The following PIP5K1A variants were observed in gnomAD, a reference collection of about 807,000 sequenced individuals.
PIP5K1A encodes phosphatidylinositol 4-phosphate 5-kinase type-1 alpha.
In PIP5K1A, 46 loss-of-function variants were observed where a neutral mutation model predicts 72.9. The ratio of observed to expected loss-of-function variants is 0.63; its 90% CI spans 0.50 to 0.81. The LOEUF is 0.81. Among genes scored for constraint, PIP5K1A ranks in the 30% least tolerant of loss-of-function variants. The pLI is 0.00. For synonymous variants in PIP5K1A, 228 were observed against 255.1 expected (o/e 0.89, Z 1.01); for missense variants, 458 against 706.1 (o/e 0.65, Z 3.98).
At chr1:151,223,984 T>G in intron 1 of PIP5K1A, 1 of 542,172 alleles carries the variant, frequency 1.8e-6, no homozygotes, top group Non-Finnish European at 3.2e-6. Context: ...AAAGAAAAAG[T>G]TATATTTCCC....
rs1457804507 is a variant in PIP5K1A at position 151,248,662 on chromosome 1, A to G, written c.*797A>G. The G allele has an allele frequency of 2.6e-5, 4 of 152,684 alleles. No homozygotes were observed. Among genetic ancestry groups the G allele is most frequent in the African/African-American group, 7.2e-5 (3 of 41,472 alleles). The allele number at this position is 152,684 out of a possible 1,614,324, so 9.5% of individuals were successfully genotyped here. A position where few individuals can be genotyped will look rare whatever the true frequency, so the allele number is the denominator to read the frequency against. The stretch of plus-strand genomic sequence containing the variant: ...CCTTTTGTTAAAACAGGAGGCAGCC[A>G]TGGGCTGGGAGATCATAGCCCTTCC... On this transcript the variant is annotated 3_prime_UTR_variant, in exon 16 of 16. Transcript: ENST00000368888.
At chr1:151,222,125 G>T (rs191929562) in intron 1 of PIP5K1A, among the ~76,000 whole-genome samples, 2 of 151,984 alleles carry the variant, frequency 1.3e-5, no homozygotes, top group East Asian at 3.9e-4. Context: ...TCCTTTTTTT[G>T]ATATAGATAC....
upstream of PIP5K1A, among the ~76,000 whole-genome samples, chr1:151,196,860 C>CT (rs34245382): frequency 9.6e-3 from 912 of 95,218 alleles, 8 homozygotes; most frequent in Non-Finnish European, 0.013. Flanking sequence ...TGCGCCCGGC[C>CT]TTTTTTTTTT....
At chr1:151,238,464 C>T (rs1194854095) in intron 10 of PIP5K1A, 199 bp downstream of exon 10, 1 of 548,642 alleles carries the variant, frequency 1.8e-6, no homozygotes, top group East Asian at 3.2e-5. Flanking sequence ...CCCTTCCTCC[C>T]CCATCTCCCC....
intron 8 of PIP5K1A, 125 bp downstream of exon 8, chr1:151,234,621 A>G (rs1690591792): frequency 1.4e-6 from 1 of 709,736 alleles, no homozygotes; most frequent in East Asian, 2.6e-5. Flanking sequence ...TGTATTTAAA[A>G]TAAGTCTTAA....
At chr1:151,232,010 G>A (rs1163826125) in intron 5 of PIP5K1A, among the ~76,000 whole-genome samples, 1 of 152,074 alleles carries the variant, frequency 6.6e-6, no homozygotes, top group Admixed American at 6.5e-5. Flanking sequence ...GGATTGACCC[G>A]TAAAAAACAA....
rs1466875235 is a variant in PIP5K1A, at chr1:151,219,212, C to G, written c.86-5033C>G. On this transcript the variant is annotated intron_variant, in intron 1 of 15. Coordinates refer to ENST00000368888, the MANE Select transcript of PIP5K1A (RefSeq NM_001135638.2). ...GCTGGCCAACATGGCGAAACCCTGTCTGTACTAAAAATACAAAAATTAGCC... is the reference window on the plus strand; with the variant it reads ...GCTGGCCAACATGGCGAAACCCTGTGTGTACTAAAAATACAAAAATTAGCC... Among the ~76,000 whole-genome samples, 5 of 151,908 alleles carry G rather than the reference C, an allele frequency of 3.3e-5. No homozygotes were observed. The South Asian group carries it at 1.0e-3, about 32-fold the overall frequency.
intron 1 of PIP5K1A, among the ~76,000 whole-genome samples, chr1:151,203,206 G>A (rs587605080): frequency 2.0e-5 from 3 of 152,224 alleles, no homozygotes; most frequent in Non-Finnish European, 4.4e-5. Context: ...AAGAGTTGTG[G>A]AGTAAAATCA....
At chr1:151,212,968 G>A (rs1687052033) in intron 1 of PIP5K1A, among the ~76,000 whole-genome samples, 1 of 144,726 alleles carries the variant, frequency 6.9e-6, no homozygotes, top group African/African-American at 2.6e-5. Context: ...TCGGCTCACT[G>A]CAAAGTTCGC....
At chr1:151,228,449 C>T (rs1689484054) in intron 4 of PIP5K1A, among the ~76,000 whole-genome samples, 1 of 152,136 alleles carries the variant, frequency 6.6e-6, no homozygotes, top group Admixed American at 6.5e-5. Context: ...CGTGTCTCAC[C>T]CCCTTTTCCT....
chr1:151,246,147 C>T (rs755744996), intron 14 of PIP5K1A, among the ~76,000 whole-genome samples: 1 of 151,800 alleles, frequency 6.6e-6, no homozygotes, highest in East Asian at 1.9e-4. Flanking sequence ...CTCAGGAGGC[C>T]GAGGCGAGAG....
intron 1 of PIP5K1A, chr1:151,216,015 T>A: frequency 7.9e-7 from 1 of 1,272,060 alleles, no homozygotes; most frequent in South Asian, 1.2e-5. Context: ...ATCTGATGTG[T>A]ATCTGTGCTA....
chr1:151,237,548 T>C (rs1691063772), intron 9 of PIP5K1A, among the ~76,000 whole-genome samples: 2 of 152,016 alleles, frequency 1.3e-5, no homozygotes, highest in Admixed American at 1.3e-4. Flanking sequence ...TGGTCCCAGC[T>C]ACTCAGGAGG....
At chr1:151,208,748 T>TC (rs1370445219) in intron 1 of PIP5K1A, among the ~76,000 whole-genome samples, 1 of 137,170 alleles carries the variant, frequency 7.3e-6, no homozygotes, top group Non-Finnish European at 1.6e-5. Context: ...TTTTTTTTTT[T>TC]TGGAGACGGA....
chr1:151,229,634 T>TA (rs1314159487), intron 4 of PIP5K1A, among the ~76,000 whole-genome samples: 7 of 151,154 alleles, frequency 4.6e-5, no homozygotes, highest in South Asian at 2.1e-4. Context: ...GTGCTGGGAT[T>TA]ACAGGCATGA....
In PIP5K1A at chr1:151,202,720, C is replaced by T. The variant is rs187773144; in HGVS notation, c.85+3639C>T. Among the ~76,000 whole-genome samples, 682 of 151,434 alleles carry T rather than the reference C, an allele frequency of 4.5e-3. 6 individuals are homozygous for T. The highest frequency in any genetic ancestry group is 0.016 in the African/African-American group (644 of 41,206). On this transcript the variant is annotated intron_variant, in intron 1 of 15. Transcript: ENST00000368888. ...CTGACCTCAGGTGATCCACCCATCTCGGGCTCCCATAGTGCTGGGATTACA... is the reference window on the plus strand; with the variant it reads ...CTGACCTCAGGTGATCCACCCATCTTGGGCTCCCATAGTGCTGGGATTACA...
chr1:151,246,282 A>C (rs1027809521), intron 14 of PIP5K1A, among the ~76,000 whole-genome samples: 5 of 152,080 alleles, frequency 3.3e-5, no homozygotes, highest in African/African-American at 1.2e-4. Flanking sequence ...CAGTTTCTGT[A>C]CCTTAGCTGG....
intron 15 of PIP5K1A, 30 bp downstream of exon 15, chr1:151,246,995 C>G: frequency 5.0e-6 from 8 of 1,588,852 alleles, no homozygotes; most frequent in Non-Finnish European, 6.9e-6. Context: ...GGGAGGTGAA[C>G]GTTTTGCAAG....
At chr1:151,209,805 C>T (rs959226637) in intron 1 of PIP5K1A, among the ~76,000 whole-genome samples, 4 of 151,950 alleles carry the variant, frequency 2.6e-5, no homozygotes, top group African/African-American at 7.2e-5. Context: ...TAATCCTAAC[C>T]TCGTGATCTG....
Sources: allele counts gnomAD v4.1 joint callset (sites outside exome capture counted in the v4.1 genomes callset), GRCh38; gene constraint gnomAD v4.1.1; transcripts MANE v1.5; gene names NCBI Gene and HGNC (gene_info 2026-07-23, HGNC 2026-07-21).